The following COL4A4 variants were observed in gnomAD, a reference collection of about 807,000 sequenced individuals.
COL4A4 encodes the protein collagen alpha-4(IV) chain.
A neutral mutation model predicts 192.9 loss-of-function variants in COL4A4; 105 were observed. That is an observed-to-expected ratio of 0.54 (90% CI 0.46 to 0.64). The LOEUF (loss-of-function observed/expected upper bound fraction) is 0.64. COL4A4 is among the 30% of genes least tolerant of loss of function. The pLI is 0.00. For synonymous variants in COL4A4, 762 were observed against 769.9 expected (o/e 0.99, Z 0.17); for missense variants, 1,967 against 2,169.3 (o/e 0.91, Z 1.85).
the COL4A4 span, among the ~76,000 whole-genome samples, chr2:226,972,780 G>T: frequency 6.6e-6 from 1 of 152,090 alleles, no homozygotes; most frequent in Non-Finnish European, 1.5e-5. Flanking sequence ...GCTGTTTAAG[G>T]GTGCCTTTCA....
Position 227,054,667 on chromosome 2 carries a change from A to G in COL4A4, c.2787T>C (p.Pro929=). 4 of 1,614,248 alleles carry G rather than the reference A, an allele frequency of 2.5e-6. No homozygotes were observed. Among genetic ancestry groups the G allele is most frequent in the Non-Finnish European group, 3.4e-6 (4 of 1,180,044 alleles). The change falls in exon 31 of 48, where the codon CCT becomes CCC. Residue 929 remains proline, a synonymous_variant. Transcript: ENST00000396625. ...ERGKPGAEGC[P]GAKGEPGEKG... Reference sequence around the variant, plus strand: ...TCTCTCCAGGTTCTCCCTTTGCGCCAGGACATCCCTCTGCACCAGGCTTTC... The same window carrying G: ...TCTCTCCAGGTTCTCCCTTTGCGCCGGGACATCCCTCTGCACCAGGCTTTC...
intron 1 of COL4A4, among the ~76,000 whole-genome samples, chr2:227,156,363 A>G (rs187960699): frequency 5.3e-5 from 8 of 150,782 alleles, no homozygotes; most frequent in Admixed American, 4.0e-4. Flanking sequence ...AGGCCACTGC[A>G]GCCAACCTAG....
the COL4A4 span, among the ~76,000 whole-genome samples, chr2:226,969,662 A>C: frequency 6.6e-6 from 1 of 152,162 alleles, no homozygotes; most frequent in Non-Finnish European, 1.5e-5. Context: ...CAAACCAAAC[A>C]AATCTCCCCC....
At position 227,033,448 on chromosome 2, in the gene COL4A4, T is replaced by C; in HGVS notation, c.3539A>G (p.His1180Arg). ...AGTTCCTTTCTGACCTTTCAATCCA[T>C]GCAAGCCGTTCAGGCCAGGTGATCC... ...PSGSPGLNGL[H>R]GLKGQKGTKG... Residue 1180 changes from histidine (H) to arginine (R), a missense_variant, in exon 38 of 48, where the codon CAT (histidine) becomes CGT (arginine). Coordinates refer to ENST00000396625, the MANE Select transcript of COL4A4 (RefSeq NM_000092.5). 1 of 1,613,658 alleles carries C rather than the reference T, an allele frequency of 6.2e-7. No homozygotes were observed. The highest frequency in any genetic ancestry group is 8.5e-7 in the Non-Finnish European group (1 of 1,180,018).
rs371817534 is a variant in COL4A4 at position 227,057,537 on chromosome 2, C to A, written c.2447G>T (p.Gly816Val). 6 of 1,614,004 alleles carry A rather than the reference C, an allele frequency of 3.7e-6. No individual in the cohort carries two copies. The highest frequency in any genetic ancestry group is 5.1e-6 in the Non-Finnish European group (6 of 1,179,992). The change falls in exon 29 of 48, where the codon GGG (glycine) becomes GTG (valine). Residue 816 changes from glycine (G) to valine (V), a missense_variant. Transcript: ENST00000396625. The part of the protein sequence containing the change: ...KGPKGREGHA[G>V]FPGVPGPPGH... ...AGGTGGACCTGGGACACCTGGAAAC[C>A]CAGCATGTCCCTCTCTGCCTTTGGG...
chr2:227,079,287 G>A (rs901331790), intron 24 of COL4A4, among the ~76,000 whole-genome samples: 5 of 152,180 alleles, frequency 3.3e-5, no homozygotes, highest in Admixed American at 6.5e-5. Context: ...CTCAGCGAAC[G>A]TTGAAATTCG....
chr2:227,104,615 T>C (rs1422313691), intron 12 of COL4A4, among the ~76,000 whole-genome samples: 2 of 146,290 alleles, frequency 1.4e-5, no homozygotes, highest in East Asian at 4.0e-4. Flanking sequence ...AATCCTACTA[T>C]CCAGAAGTAA....
intron 20 of COL4A4, among the ~76,000 whole-genome samples, chr2:227,093,797 C>T (rs1028153679): frequency 3.3e-5 from 5 of 152,074 alleles, no homozygotes; most frequent in Non-Finnish European, 5.9e-5. Flanking sequence ...ATCGGCTCTC[C>T]CTGGGCAGTG....
chr2:227,089,637 CAAGGCTTTG>C (rs2059802337), intron 21 of COL4A4, among the ~76,000 whole-genome samples: 1 of 110,184 alleles, frequency 9.1e-6, no homozygotes, highest in Non-Finnish European at 2.0e-5. Context: ...ATATAAGACA[CAAGGCTTTG>C]ACTTTTATAA....
At chr2:227,023,943 T>C (rs778575159) in intron 43 of COL4A4, among the ~76,000 whole-genome samples, 1 of 151,604 alleles carries the variant, frequency 6.6e-6, no homozygotes, top group Non-Finnish European at 1.5e-5. Flanking sequence ...GAGGCGGAGA[T>C]TGCAGTGAGC....
chr2:227,032,999 T>C (rs1044154816), intron 38 of COL4A4, among the ~76,000 whole-genome samples: 2 of 152,208 alleles, frequency 1.3e-5, no homozygotes, highest in African/African-American at 2.4e-5. Context: ...GTTTTAGCAG[T>C]GGCCATAAAA....
At chr2:227,042,429 A>C (rs1310589320) in intron 36 of COL4A4, among the ~76,000 whole-genome samples, 174 bp from the exon 37 acceptor site, 1 of 152,222 alleles carries the variant, frequency 6.6e-6, no homozygotes, top group East Asian at 1.9e-4. Context: ...GGAGGAGAAA[A>C]TACATTTCCA....
chr2:227,021,650 C>A (rs527424390), intron 44 of COL4A4, among the ~76,000 whole-genome samples: 2 of 151,972 alleles, frequency 1.3e-5, no homozygotes, highest in African/African-American at 4.8e-5. Flanking sequence ...TCGGTGAAAC[C>A]CCATCTCCAC....
chr2:227,065,913 G>A (rs571063648), intron 25 of COL4A4, among the ~76,000 whole-genome samples: 3 of 152,334 alleles, frequency 2.0e-5, no homozygotes, highest in Middle Eastern at 3.4e-3. Flanking sequence ...GGCTTCAGAC[G>A]ATCAAATTAC....
intron 4 of COL4A4, among the ~76,000 whole-genome samples, chr2:227,137,712 C>G (rs1425085598): frequency 1.3e-5 from 2 of 152,166 alleles, no homozygotes. Flanking sequence ...GGGAGACCCA[C>G]TGAGGTGCCT....
chr2:227,158,042 C>A (rs1409984087), intron 1 of COL4A4, among the ~76,000 whole-genome samples: 2 of 151,990 alleles, frequency 1.3e-5, no homozygotes, highest in Non-Finnish European at 1.5e-5. Context: ...TATGTAAATG[C>A]AAATGACCTA....
the COL4A4 span, among the ~76,000 whole-genome samples, chr2:226,974,114 A>G: frequency 6.6e-6 from 1 of 152,154 alleles, no homozygotes; most frequent in African/African-American, 2.4e-5. Context: ...TCGGTGTAAC[A>G]CTTCAAAGAA....
chr2:227,121,826 GTCAA>G (rs1174624582), intron 4 of COL4A4, among the ~76,000 whole-genome samples: 1 of 152,076 alleles, frequency 6.6e-6, no homozygotes, highest in Non-Finnish European at 1.5e-5. Context: ...TTTTCATTCT[GTCAA>G]TCAAATTTAG....
chr2:227,108,589 C>T lies in COL4A4; in HGVS notation c.727G>A (p.Gly243Arg). Residue 243 changes from glycine to arginine, a missense_variant, in exon 12 of 48, where the codon GGA becomes AGA. Gly to Arg is a moderately radical substitution (Grantham distance 125). Coordinates refer to ENST00000396625, the MANE Select transcript of COL4A4 (RefSeq NM_000092.5). ...CAAGAGGGAATTCTTACCGGGTCTC[C>T]CATTTGCCCCTTTACTCCCACACCG... ...NPGVGVKGQM[G>R]DPGEVGQQGS... The T allele has an allele frequency of 6.2e-7, 1 of 1,613,908 alleles. No homozygotes were observed. The highest frequency in any genetic ancestry group is 8.5e-7 in the Non-Finnish European group (1 of 1,179,822).
Sources: gnomAD v4.1 joint callset for allele counts (sites outside exome capture counted in the v4.1 genomes callset) on GRCh38, gnomAD v4.1.1 for gene constraint, MANE v1.5 for transcripts, NCBI Gene and HGNC (gene_info 2026-07-23, HGNC 2026-07-21) for gene names.